The following KIAA1549 variants were observed in gnomAD, a reference collection of about 807,000 sequenced individuals.
The protein encoded by KIAA1549 is KIAA1549.
A neutral mutation model predicts 156.4 loss-of-function variants in KIAA1549; 70 were observed. The ratio of observed to expected loss-of-function variants is 0.45; its 90% confidence interval spans 0.37 to 0.55. The LOEUF (loss-of-function observed/expected upper bound fraction) is 0.55. Ranked by LOEUF, KIAA1549 falls within the 20% of genes least tolerant of loss-of-function variation. The probability of loss-of-function intolerance (pLI) is 0.00; values close to 1 mark genes in which losing one functional copy is unlikely to be tolerated. For missense variants in KIAA1549, 2,428 were observed against 2,540.9 expected (o/e 0.96, Z 0.96); for synonymous variants, 1,103 against 1,066.4 (o/e 1.03, Z -0.67).
intron 1 of KIAA1549, among the ~76,000 whole-genome samples, chr7:138,943,667 G>A (rs1425135144): frequency 6.6e-6 from 1 of 152,058 alleles, no homozygotes; most frequent in African/African-American, 2.4e-5. Flanking sequence ...GGCTAACATG[G>A]TGAAACCCCG....
chr7:138,934,423 A>C (rs79379114), intron 1 of KIAA1549, among the ~76,000 whole-genome samples: 1 of 151,952 alleles, frequency 6.6e-6, no homozygotes, highest in Non-Finnish European at 1.5e-5. Context: ...AAAAAAAAAA[A>C]CAAGTCCAGA....
At position 138,886,681 on chromosome 7, in the gene KIAA1549, C is replaced by T. The variant is rs547634910; in HGVS notation, c.4033-5097G>A. Among the ~76,000 whole-genome samples the T allele has an allele frequency of 2.2e-4, 34 of 152,038 alleles. 1 individual carries two copies. Among genetic ancestry groups the T allele is most frequent in the Non-Finnish European group, 3.2e-4 (22 of 68,004 alleles). ...AGGGGGACAAAACTTACAGTAAACA[C>T]AATTTACAAAAATGAAACAAAAGGC... On this transcript the variant is annotated intron_variant, in intron 10 of 19. Coordinates refer to ENST00000422774, the MANE Select transcript of KIAA1549 (RefSeq NM_001164665.2).
chr7:138,942,994 G>C (rs575413980), intron 1 of KIAA1549, among the ~76,000 whole-genome samples: 1 of 152,172 alleles, frequency 6.6e-6, no homozygotes. Context: ...CCTCTCTGCT[G>C]TCTCCAGCAA....
At chr7:138,978,763 G>A (rs1814455304) in intron 1 of KIAA1549, among the ~76,000 whole-genome samples, 1 of 152,134 alleles carries the variant, frequency 6.6e-6, no homozygotes, top group African/African-American at 2.4e-5. Context: ...AACCACCACA[G>A]CAGTGTTCAG....
chr7:138,844,187 G>A (rs1810001758), intron 18 of KIAA1549, 130 bp downstream of exon 18: 1 of 1,036,476 alleles, frequency 9.6e-7, no homozygotes, highest in Non-Finnish European at 1.4e-6. Flanking sequence ...GTCAGGATAT[G>A]AGGGGAAACA....
chr7:138,946,951 G>C (rs1248332188), intron 1 of KIAA1549, among the ~76,000 whole-genome samples: 1 of 152,208 alleles, frequency 6.6e-6, no homozygotes, highest in African/African-American at 2.4e-5. Context: ...GAGAGAGGCT[G>C]ATGGGAGCAG....
At chr7:138,955,364 T>C (rs546654972) in intron 1 of KIAA1549, among the ~76,000 whole-genome samples, 1 of 152,158 alleles carries the variant, frequency 6.6e-6, no homozygotes, top group South Asian at 2.1e-4. Context: ...GAGGTCATTA[T>C]GCAAAGGCAC....
intron 13 of KIAA1549, among the ~76,000 whole-genome samples, 173 bp downstream of exon 13, chr7:138,870,984 A>C (rs1368805180): frequency 6.6e-6 from 1 of 151,868 alleles, no homozygotes; most frequent in Non-Finnish European, 1.5e-5. Context: ...CGCCCAGCTA[A>C]TTTTGTATTT....
At chr7:138,872,389 CA>C (rs1033993791) in intron 12 of KIAA1549, among the ~76,000 whole-genome samples, 8 of 144,380 alleles carry the variant, frequency 5.5e-5, no homozygotes, top group East Asian at 4.1e-4. Flanking sequence ...TTCAAATGCA[CA>C]AAAAAAAAGA....
At chr7:138,921,199 A>G (rs1450015643) in intron 1 of KIAA1549, among the ~76,000 whole-genome samples, 1 of 151,972 alleles carries the variant, frequency 6.6e-6, no homozygotes, top group Admixed American at 6.6e-5. Flanking sequence ...GAAGAAAAAT[A>G]TCCACTTTTC....
chr7:138,832,404 G>A lies in KIAA1549; in HGVS notation c.*5502C>T. On this transcript the variant is annotated 3_prime_UTR_variant, in exon 20 of 20. Coordinates refer to ENST00000422774, the MANE Select transcript of KIAA1549 (RefSeq NM_001164665.2). ...TGTAGAGACGGGGTCTCGTTATGTT[G>A]CCCAAGGTGGTCTCAAACTCCTGGC... 5.3e-6 allele frequency: 1 copy of A among 189,978 alleles called. No individual in the cohort carries two copies. The highest frequency in any genetic ancestry group is 8.3e-5 in the East Asian group (1 of 11,978). 11.8% of individuals were successfully genotyped at this position (189,978 alleles called of 1,614,324 possible).
At chr7:138,911,885 G>A (rs985102219) in intron 3 of KIAA1549, among the ~76,000 whole-genome samples, 7 of 152,266 alleles carry the variant, frequency 4.6e-5, no homozygotes, top group Middle Eastern at 3.4e-3. Context: ...ATCGCCATGC[G>A]TGGGGCGCGG....
intron 1 of KIAA1549, among the ~76,000 whole-genome samples, chr7:138,951,624 T>C (rs887603343): frequency 2.0e-5 from 3 of 152,118 alleles, no homozygotes; most frequent in Admixed American, 1.3e-4. Flanking sequence ...CCCATAAAAC[T>C]AGTGATTTAA....
chr7:138,842,784 T>A (rs1809961617), intron 18 of KIAA1549, among the ~76,000 whole-genome samples: 2 of 152,076 alleles, frequency 1.3e-5, no homozygotes, highest in African/African-American at 4.8e-5. Flanking sequence ...AGGCAACTGG[T>A]AAATCTCAAA....
chr7:138,963,168 C>T (rs1041749836), intron 1 of KIAA1549, among the ~76,000 whole-genome samples: 2 of 152,248 alleles, frequency 1.3e-5, no homozygotes, highest in Non-Finnish European at 2.9e-5. Context: ...ACACAACTGG[C>T]CTGCCTGCAG....
At position 138,917,505 on chromosome 7, in the gene KIAA1549, G is replaced by A. The variant is rs1812370385; in HGVS notation, c.2121C>T (p.Ile707=). ...QPSSELPLNT[I]MLLPSRSEVS... is the part of the protein sequence containing the mutation. Reference sequence around the variant, plus strand: ...CCTCAGAACGGCTAGGTAGCAACATGATGGTGTTTAAAGGCAGCTCGGAAC... The same window carrying A: ...CCTCAGAACGGCTAGGTAGCAACATAATGGTGTTTAAAGGCAGCTCGGAAC... The change falls in exon 2 of 20, where the codon ATC becomes ATT. Residue 707 remains isoleucine, a synonymous_variant. Coordinates refer to ENST00000422774, the MANE Select transcript of KIAA1549 (RefSeq NM_001164665.2). The A allele has an allele frequency of 6.2e-7, 1 of 1,613,760 alleles. No individual in the cohort carries two copies. The highest frequency in any genetic ancestry group is 8.5e-7 in the Non-Finnish European group (1 of 1,179,856).
At chr7:138,954,162 A>G (rs1813587911) in intron 1 of KIAA1549, among the ~76,000 whole-genome samples, 1 of 152,268 alleles carries the variant, frequency 6.6e-6, no homozygotes, top group Non-Finnish European at 1.5e-5. Context: ...GATGGTAGAC[A>G]GAAATTGCTA....
At chr7:138,907,189 C>T in intron 5 of KIAA1549, 87 bp from the exon 6 acceptor site, 1 of 1,157,330 alleles carries the variant, frequency 8.6e-7, no homozygotes, top group Non-Finnish European at 1.2e-6. Context: ...GGTCCTCTCA[C>T]CGATTTTTTT....
intron 3 of KIAA1549, among the ~76,000 whole-genome samples, chr7:138,911,665 G>C (rs1812173464): frequency 6.6e-6 from 1 of 152,090 alleles, no homozygotes; most frequent in African/African-American, 2.4e-5. Context: ...AAAATTTCTA[G>C]TGGCCACATT....
Sources: gnomAD v4.1 joint callset for allele counts (sites outside exome capture counted in the v4.1 genomes callset) on GRCh38, gnomAD v4.1.1 for gene constraint, MANE v1.5 for transcripts, NCBI Gene and HGNC (gene_info 2026-07-23, HGNC 2026-07-21) for gene names.